Variants in LRRC43 observed in about 807,000 individuals in gnomAD.
LRRC43 encodes the protein leucine rich repeat containing 43.
In LRRC43, 62 loss-of-function variants were observed where a neutral mutation model predicts 64.3. The ratio of observed to expected loss-of-function variants is 0.96; its 90% CI spans 0.79 to 1.19. LRRC43 has a LOEUF of 1.19. Among genes scored for constraint, LRRC43 ranks in the 50% most tolerant of loss-of-function variants. The pLI, the probability that LRRC43 is intolerant of heterozygous loss-of-function variation, is 0.00. For missense variants in LRRC43, 868 were observed against 845.0 expected (o/e 1.03, Z -0.34); for synonymous variants, 422 against 382.3 (o/e 1.10, Z -1.21).
chr12:122,170,617 T>C (rs1017462512), intron 1 of LRRC43, among the ~76,000 whole-genome samples: 6 of 150,948 alleles, frequency 4.0e-5, no homozygotes, highest in Admixed American at 2.6e-4. Flanking sequence ...GGTGACAGAG[T>C]GAGACTCTCC....
intron 5 of LRRC43, 110 bp downstream of exon 5, chr12:122,190,478 T>C: frequency 1.2e-6 from 1 of 815,262 alleles, no homozygotes; most frequent in Non-Finnish European, 2.0e-6. Context: ...AACTCCCCAT[T>C]TGACCCAGAC....
At chr12:122,198,234 G>A (rs888322312) in intron 7 of LRRC43, among the ~76,000 whole-genome samples, 1 of 152,140 alleles carries the variant, frequency 6.6e-6, no homozygotes, top group African/African-American at 2.4e-5. Context: ...TGATTCATCT[G>A]CCTCAGCCTC....
At chr12:122,192,343 A>G (rs1364425442) in intron 6 of LRRC43, among the ~76,000 whole-genome samples, 1 of 151,732 alleles carries the variant, frequency 6.6e-6, no homozygotes, top group East Asian at 2.0e-4. Context: ...TCACCATGTT[A>G]GCCAGGATGG....
intron 6 of LRRC43, among the ~76,000 whole-genome samples, chr12:122,191,912 G>C (rs1326428139): frequency 6.6e-6 from 1 of 151,652 alleles, no homozygotes; most frequent in African/African-American, 2.4e-5. Flanking sequence ...CTCCCAAAGT[G>C]CTGGGATTAC....
At chr12:122,173,788 G>A (rs61955583) in intron 1 of LRRC43, 163 of 1,499,550 alleles carry the variant, frequency 1.1e-4, no homozygotes, top group Non-Finnish European at 1.4e-4. Flanking sequence ...TCTTTGGAGG[G>A]CAATGGAAGG....
intron 4 of LRRC43, among the ~76,000 whole-genome samples, chr12:122,189,113 A>C (rs891812017): frequency 1.3e-5 from 2 of 152,130 alleles, no homozygotes; most frequent in African/African-American, 4.8e-5. Flanking sequence ...TAGAAAACTT[A>C]ACATCCTGGA....
chr12:122,184,666 A>C lies in LRRC43; in HGVS notation c.298A>C (p.Asn100His). 1 of 1,613,998 alleles carries C rather than the reference A, an allele frequency of 6.2e-7. No homozygotes were observed. Among genetic ancestry groups the C allele is most frequent in the Non-Finnish European group, 8.5e-7 (1 of 1,179,890 alleles). ...CCACTCCCCCTGGGCTCTGCTGAACAACTCGAATGCAGAAGACAGTTTCCT... is the reference window on the plus strand; with the variant it reads ...CCACTCCCCCTGGGCTCTGCTGAACCACTCGAATGCAGAAGACAGTTTCCT... Reference protein sequence around the residue: ...SRHSPWALLNNSNAEDSFLRE... With the variant: ...SRHSPWALLNHSNAEDSFLRE... Residue 100 changes from asparagine to histidine, a missense_variant, in exon 2 of 12, where the codon AAC becomes CAC. Asn to His is a moderately conservative substitution (Grantham distance 68). Coordinates refer to ENST00000339777, the MANE Select transcript of LRRC43 (RefSeq NM_001098519.2). This position sits in a 1 kb window ranked among gnomAD's most constrained non-coding sequence, Gnocchi z 4.0.
chr12:122,188,167 C>A (rs930008733), intron 4 of LRRC43, among the ~76,000 whole-genome samples: 7 of 152,104 alleles, frequency 4.6e-5, no homozygotes, highest in Non-Finnish European at 7.4e-5. Flanking sequence ...AGCGCATTGG[C>A]GCCATCTCTG....
Position 122,187,021 on chromosome 12 carries a change from C to T in LRRC43, c.523-680C>T, listed in dbSNP as rs554883972. 3.3e-5 allele frequency among the ~76,000 whole-genome samples: 5 copies of T among 152,142 alleles called. No individual in the cohort carries two copies. The South Asian group carries it at 1.0e-3, about 32-fold the overall frequency. Reference sequence around the variant, plus strand: ...GGCTGAGGTGGGCAGATTGCCTGTTCTCAGGAATTCAAAACCAGCCTGGGC... The same window carrying T: ...GGCTGAGGTGGGCAGATTGCCTGTTTTCAGGAATTCAAAACCAGCCTGGGC... On this transcript the variant is annotated intron_variant, in intron 3 of 11. Transcript: ENST00000339777.
upstream of LRRC43, among the ~76,000 whole-genome samples, chr12:122,179,376 G>A (rs576748459): frequency 4.5e-4 from 69 of 152,146 alleles, no homozygotes; most frequent in Non-Finnish European, 1.8e-4. Flanking sequence ...AAAGTGCTGC[G>A]ACTGTAGGTG....
upstream of LRRC43, among the ~76,000 whole-genome samples, chr12:122,182,283 G>A (rs1457471812): frequency 6.6e-6 from 1 of 152,048 alleles, no homozygotes; most frequent in African/African-American, 2.4e-5. Context: ...CAGCACTTGG[G>A]GAGACCGAGG....
chr12:122,200,395 A>T lies in LRRC43; in HGVS notation c.1491+65A>T. ...CACTTCTGTCCTTGTTCCTGTTCCC[A>T]TCGGGCTGTCCCCCATGGGAGCCGC... On this transcript the variant is annotated intron_variant, in intron 8 of 11. Coordinates refer to ENST00000339777, the MANE Select transcript of LRRC43 (RefSeq NM_001098519.2). The surrounding 1 kb of genome is among the most constrained non-coding windows in gnomAD (Gnocchi z 4.6). 1 of 1,608,542 alleles carries T rather than the reference A, an allele frequency of 6.2e-7. No homozygotes were observed. The highest frequency in any genetic ancestry group is 8.5e-7 in the Non-Finnish European group (1 of 1,178,082).
chr12:122,173,986 G>A lies in LRRC43; in HGVS notation c.-406+6204G>A, dbSNP rs143062271. On this transcript the variant is annotated intron_variant, in intron 1 of 5. Transcript: ENST00000537729. ...GCAGAACAGAAAGAGCACAGACGTC[G>A]AGGGGCCTGGAGAGAGAACGATGCC... 248 of 1,614,000 alleles carry A rather than the reference G, an allele frequency of 1.5e-4. No homozygotes were observed. The African/African-American group carries it at 2.9e-3, about 19-fold the overall frequency.
intron 1 of LRRC43, chr12:122,174,036 T>C: frequency 3.7e-6 from 6 of 1,613,294 alleles, no homozygotes; most frequent in Non-Finnish European, 5.1e-6. Flanking sequence ...CACACACCCC[T>C]GCCCACCCTG....
At position 122,187,788 on chromosome 12, in the gene LRRC43, C is replaced by T; in HGVS notation, c.610C>T (p.His204Tyr). Residue 204 changes from histidine to tyrosine, a missense_variant, in exon 4 of 12, where the codon CAC becomes TAC. Physicochemically the swap from His to Tyr is moderately conservative, Grantham distance 83. Transcript: ENST00000339777. ...CGGCCTGCAGCACTTGGGGTTAGGCCACAACAAACTTCTAGGCCCCTTGGA... is the reference window on the plus strand; with the variant it reads ...CGGCCTGCAGCACTTGGGGTTAGGCTACAACAAACTTCTAGGCCCCTTGGA... Reference protein sequence around the residue: ...PAGLQHLGLGHNKLLGPLESL... With the variant: ...PAGLQHLGLGYNKLLGPLESL... 2 of 1,614,088 alleles carry T rather than the reference C, an allele frequency of 1.2e-6. No homozygotes were observed. Among genetic ancestry groups the T allele is most frequent in the East Asian group, 2.2e-5 (1 of 44,872 alleles).
chr12:122,177,429 T>C (rs1387269855), intron 1 of LRRC43, among the ~76,000 whole-genome samples: 1 of 152,014 alleles, frequency 6.6e-6, no homozygotes, highest in African/African-American at 2.4e-5. Flanking sequence ...GCAAAGAATC[T>C]ATCCATGGCA....
At chr12:122,176,527 T>TTTGTA (rs1301258391) in intron 1 of LRRC43, among the ~76,000 whole-genome samples, 1 of 150,664 alleles carries the variant, frequency 6.6e-6, no homozygotes, top group Non-Finnish European at 1.5e-5. Flanking sequence ...TGTTTTGTCT[T>TTTGTA]TTGTTTTGTT....
rs1482368762 is a variant in LRRC43, at chr12:122,191,404, T to G, written c.926T>G (p.Phe309Cys). Residue 309 changes from phenylalanine to cysteine, a missense_variant, in exon 6 of 12, where the codon TTT becomes TGT. By Grantham distance (205) the Phe-to-Cys change is radical. Coordinates refer to ENST00000339777, the MANE Select transcript of LRRC43 (RefSeq NM_001098519.2). ...NGDLLAQEAQ[F>C]VVTIGNIRGV... is the part of the protein sequence containing the mutation. Reference sequence around the variant, plus strand: ...GATCTCTTGGCACAGGAGGCGCAGTTTGTGGTGACCATCGGAAACATCAGA... The same window carrying G: ...GATCTCTTGGCACAGGAGGCGCAGTGTGTGGTGACCATCGGAAACATCAGA... 6.2e-7 allele frequency: 1 copy of G among 1,613,198 alleles called. No individual in the cohort carries two copies. Among genetic ancestry groups the G allele is most frequent in the African/African-American group, 1.3e-5 (1 of 74,894 alleles).
chr12:122,182,890 C>A, upstream of LRRC43: 1 of 528,274 alleles, frequency 1.9e-6, no homozygotes, highest in Non-Finnish European at 3.3e-6. Context: ...GGATGACTTT[C>A]CGTGGGGAGT....
Sources: allele counts gnomAD v4.1 joint callset (sites outside exome capture counted in the v4.1 genomes callset), GRCh38; gene constraint gnomAD v4.1.1; non-coding constraint Gnocchi (gnomAD v3.1); transcripts MANE v1.5; gene names NCBI Gene and HGNC (gene_info 2026-07-23, HGNC 2026-07-21).